Variants in CCDC81 observed in about 807,000 individuals in gnomAD.
The protein encoded by CCDC81 is coiled-coil domain-containing protein 81.
CCDC81 carries 79 observed loss-of-function variants against 83.7 expected under a neutral mutation model. That is an observed-to-expected ratio of 0.94 (90% CI 0.79 to 1.14). CCDC81 has a LOEUF of 1.14. Ranked by LOEUF, CCDC81 falls within the 50% of genes most tolerant of loss-of-function variation. The pLI is 0.00. For synonymous variants in CCDC81, 252 were observed against 278.1 expected (o/e 0.91, Z 0.93); for missense variants, 791 against 778.1 (o/e 1.02, Z -0.20).
chr11:86,419,886 T>C, intron 13 of CCDC81, 42 bp from the exon 14 acceptor site: 2 of 1,552,440 alleles, frequency 1.3e-6, no homozygotes, highest in Non-Finnish European at 1.7e-6. Context: ...TGGTGCATGC[T>C]CTTCCAAGTA....
At chr11:86,415,047 T>C in intron 12 of CCDC81, 46 bp from the exon 13 acceptor site, 3 of 1,594,752 alleles carry the variant, frequency 1.9e-6, no homozygotes, top group African/African-American at 1.3e-5. Context: ...ATAAAGCTTA[T>C]TCCCTGGTAG....
intron 13 of CCDC81, among the ~76,000 whole-genome samples, chr11:86,418,176 T>C (rs547096275): frequency 1.3e-5 from 2 of 152,158 alleles, no homozygotes; most frequent in African/African-American, 4.8e-5. Flanking sequence ...TGAGATACCA[T>C]GTCACATCCA....
chr11:86,375,139 G>T lies in CCDC81; in HGVS notation c.-25G>T. The T allele has an allele frequency of 6.2e-7, 1 of 1,602,458 alleles. No homozygotes were observed. Among genetic ancestry groups the T allele is most frequent in the Non-Finnish European group, 8.5e-7 (1 of 1,169,634 alleles). ...AAAGAAGAGACCCATCGAACATTCAGTACGGAGTCACCTGGAAATTGGAGA... is the reference window on the plus strand; with the variant it reads ...AAAGAAGAGACCCATCGAACATTCATTACGGAGTCACCTGGAAATTGGAGA... On this transcript the variant is annotated 5_prime_UTR_variant, in exon 1 of 15. Coordinates refer to ENST00000445632, the MANE Select transcript of CCDC81 (RefSeq NM_001156474.2).
chr11:86,386,459 A>G (rs1340924052), intron 2 of CCDC81, among the ~76,000 whole-genome samples: 2 of 152,202 alleles, frequency 1.3e-5, no homozygotes, highest in Non-Finnish European at 2.9e-5. Flanking sequence ...CTATAGAAGG[A>G]TATAACGCTT....
At position 86,396,695 on chromosome 11, in the gene CCDC81, A is replaced by G. The variant is rs115496983; in HGVS notation, c.636-926A>G. Among the ~76,000 whole-genome samples the G allele has an allele frequency of 1.9e-3, 285 of 152,314 alleles. 2 individuals are homozygous for G. Among genetic ancestry groups the G allele is most frequent in the African/African-American group, 6.7e-3 (279 of 41,566 alleles). On this transcript the variant is annotated intron_variant, in intron 5 of 14. Transcript: ENST00000445632. ...GCCTCATCTTGCACACGAAATGGCC[A>G]TGCAACTAATAAGCAGCCAAGCTTA... is the stretch of plus-strand genomic sequence containing the variant.
intron 6 of CCDC81, among the ~76,000 whole-genome samples, chr11:86,399,297 C>G (rs1948451245): frequency 6.6e-6 from 1 of 152,076 alleles, no homozygotes; most frequent in South Asian, 2.1e-4. Flanking sequence ...ATAGAGACCC[C>G]TTTTTTGGGA....
chr11:86,375,600 T>A (rs1490959806), intron 1 of CCDC81, among the ~76,000 whole-genome samples: 2 of 152,154 alleles, frequency 1.3e-5, no homozygotes, highest in African/African-American at 4.8e-5. Context: ...GGACCCTAAA[T>A]GGCTCCTTTT....
chr11:86,384,180 T>C (rs1328507154), intron 1 of CCDC81, among the ~76,000 whole-genome samples: 1 of 152,240 alleles, frequency 6.6e-6, no homozygotes, highest in African/African-American at 2.4e-5. Context: ...AAGTTCTCCA[T>C]GTACATCTGG....
At chr11:86,381,365 C>T (rs1489240614) in intron 1 of CCDC81, among the ~76,000 whole-genome samples, 3 of 152,142 alleles carry the variant, frequency 2.0e-5, no homozygotes, top group Non-Finnish European at 4.4e-5. Flanking sequence ...TTCCTCCCAC[C>T]TGAAGCACAA....
chr11:86,384,387 G>T (rs1948213124), intron 1 of CCDC81, among the ~76,000 whole-genome samples: 1 of 152,100 alleles, frequency 6.6e-6, no homozygotes. Flanking sequence ...AGTGATTAAT[G>T]AGGGGCAGAA....
chr11:86,410,509 A>G (rs1048320605), intron 10 of CCDC81, among the ~76,000 whole-genome samples: 1 of 152,208 alleles, frequency 6.6e-6, no homozygotes, highest in Non-Finnish European at 1.5e-5. Flanking sequence ...GACATACAAG[A>G]GTTAGGTAAA....
At position 86,415,247 on chromosome 11, in the gene CCDC81, A is replaced by G. The variant is rs1467223892; in HGVS notation, c.1625A>G (p.Lys542Arg). 2 of 1,614,184 alleles carry G rather than the reference A, an allele frequency of 1.2e-6. No individual in the cohort carries two copies. The highest frequency in any genetic ancestry group is 2.2e-5 in the East Asian group (1 of 44,886). The part of the protein sequence containing the change: ...QLEAAANHKR[K>R]AILHQLVDQR... ...GAGGCAGCTGCTAACCACAAGAGGA[A>G]AGCCATCCTGCATCAACTAGTGGAC... Residue 542 changes from lysine to arginine, a missense_variant, in exon 13 of 15, where the codon AAA becomes AGA. Lys to Arg is a conservative substitution (Grantham distance 26). Coordinates refer to ENST00000445632, the MANE Select transcript of CCDC81 (RefSeq NM_001156474.2).
chr11:86,399,248 A>G (rs1948450491), intron 6 of CCDC81, among the ~76,000 whole-genome samples: 1 of 152,164 alleles, frequency 6.6e-6, no homozygotes, highest in Non-Finnish European at 1.5e-5. Context: ...TAATATTCAT[A>G]TGCTTTTATT....
intron 1 of CCDC81, among the ~76,000 whole-genome samples, chr11:86,381,301 A>G (rs1593906887): frequency 1.3e-5 from 2 of 152,228 alleles, no homozygotes; most frequent in African/African-American, 4.8e-5. Flanking sequence ...TTCTGAGGGC[A>G]GGTCATTAAG....
chr11:86,380,706 T>C (rs1287446646), intron 1 of CCDC81, among the ~76,000 whole-genome samples: 1 of 152,204 alleles, frequency 6.6e-6, no homozygotes. Context: ...CTAAGTCATG[T>C]CCAGTCCACT....
rs750919212 is a variant in CCDC81, at chr11:86,408,138, T to C, written c.981T>C (p.Tyr327=). The C allele has an allele frequency of 1.1e-5, 17 of 1,611,738 alleles. No individual in the cohort carries two copies. Among genetic ancestry groups the C allele is most frequent in the East Asian group, 6.7e-5 (3 of 44,864 alleles). Residue 327 remains tyrosine (Y), a synonymous_variant, in exon 9 of 15, where the codon TAT becomes TAC. Transcript: ENST00000445632. ...DHNKAGQEMC[Y]VCLQRAQRNS... is the part of the protein sequence containing the mutation. ...ATTTGGGATTGTAGGAAATGTGCTA[T>C]GTATGTTTGCAACGAGCACAACGAA...
intron 1 of CCDC81, among the ~76,000 whole-genome samples, chr11:86,380,057 TA>T (rs1292798974): frequency 1.1e-4 from 16 of 142,564 alleles, no homozygotes; most frequent in African/African-American, 3.8e-4. Flanking sequence ...TTTTTTTTTT[TA>T]AATGCAGATC....
chr11:86,420,081 C>T, intron 14 of CCDC81, 28 bp downstream of exon 14: 1 of 1,604,688 alleles, frequency 6.2e-7, no homozygotes, highest in Non-Finnish European at 8.5e-7. Context: ...CCCCAAAATT[C>T]TCCTGCTCCT....
intron 11 of CCDC81, 56 bp downstream of exon 11, chr11:86,412,615 A>C (rs1948661552): frequency 2.1e-6 from 3 of 1,444,782 alleles, no homozygotes. Flanking sequence ...ATGTGAAGTT[A>C]CTTTTCATGT....
Sources: allele counts gnomAD v4.1 joint callset (sites outside exome capture counted in the v4.1 genomes callset), GRCh38; gene constraint gnomAD v4.1.1; transcripts MANE v1.5; gene names NCBI Gene and HGNC (gene_info 2026-07-23, HGNC 2026-07-21).